Variants in ITGB6 observed in about 807,000 individuals in gnomAD.
The protein encoded by ITGB6 is integrin beta-6.
In ITGB6, 80 loss-of-function variants were observed where a neutral mutation model predicts 84.5. The ratio of observed to expected loss-of-function variants is 0.95; its 90% CI spans 0.79 to 1.14. The LOEUF is 1.14. ITGB6 is among the 50% of genes most tolerant of loss of function. The probability of loss-of-function intolerance (pLI) is 0.00; values close to 1 mark genes in which losing one functional copy is unlikely to be tolerated. For synonymous variants in ITGB6, 383 were observed against 354.9 expected (o/e 1.08, Z -0.89); for missense variants, 1,006 against 968.0 (o/e 1.04, Z -0.52).
chr2:160,152,115 G>A (rs557751423), intron 7 of ITGB6, among the ~76,000 whole-genome samples: 1 of 152,298 alleles, frequency 6.6e-6, no homozygotes, highest in Non-Finnish European at 1.5e-5. Context: ...ACATCATCCT[G>A]ATAGCAAAGG....
intron 7 of ITGB6, among the ~76,000 whole-genome samples, chr2:160,145,337 G>C (rs1336305102): frequency 6.6e-6 from 1 of 152,080 alleles, no homozygotes; most frequent in East Asian, 1.9e-4. Flanking sequence ...GATTTTCCCT[G>C]TCCTCCCTAC....
chr2:160,104,575 T>C (rs1212924208), intron 14 of ITGB6, among the ~76,000 whole-genome samples: 2 of 152,200 alleles, frequency 1.3e-5, no homozygotes, highest in African/African-American at 4.8e-5. Flanking sequence ...AAAGTGGTAA[T>C]AGGAAAACTC....
intron 1 of ITGB6, among the ~76,000 whole-genome samples, chr2:160,199,552 C>A (rs916364784): frequency 4.6e-5 from 7 of 152,084 alleles, no homozygotes; most frequent in Non-Finnish European, 7.4e-5. Flanking sequence ...ATTTATTATT[C>A]TTAGCCAATG....
At chr2:160,179,943 CAAA>C (rs60463723) in intron 4 of ITGB6, among the ~76,000 whole-genome samples, 1,767 of 102,946 alleles carry the variant, frequency 0.017, 22 homozygotes, top group East Asian at 0.061. Flanking sequence ...ACTAAAAATA[CAAA>C]AAAAAAAAAA....
intron 8 of ITGB6, among the ~76,000 whole-genome samples, chr2:160,140,111 G>A (rs1411036348): frequency 2.0e-5 from 3 of 152,072 alleles, no homozygotes; most frequent in Non-Finnish European, 4.4e-5. Flanking sequence ...TTCAGTCTAT[G>A]TGTTCCCATA....
intron 14 of ITGB6, among the ~76,000 whole-genome samples, chr2:160,104,316 G>A (rs780540408): frequency 2.6e-5 from 4 of 152,184 alleles, no homozygotes; most frequent in Non-Finnish European, 5.9e-5. Context: ...TGTTCCAGGA[G>A]GAGGTGTGGA....
chr2:160,196,279 G>T lies in ITGB6; in HGVS notation c.283C>A (p.Gln95Lys). The part of the protein sequence containing the change: ...LKNKPLSVGR[Q>K]KNSSDIVQIA... ...TGAACAATGTCAGAACTATTTTTCTGTCTGCCTACACTGAGAGGCTTATTT... is the reference window on the plus strand; with the variant it reads ...TGAACAATGTCAGAACTATTTTTCTTTCTGCCTACACTGAGAGGCTTATTT... The change falls in exon 3 of 15, where the codon CAG becomes AAG. Residue 95 changes from glutamine to lysine, a missense_variant. By Grantham distance (53) the Gln-to-Lys change is moderately conservative. Coordinates refer to ENST00000283249, the MANE Select transcript of ITGB6 (RefSeq NM_000888.5). 1 of 1,614,054 alleles carries T rather than the reference G, an allele frequency of 6.2e-7. No individual in the cohort carries two copies. The highest frequency in any genetic ancestry group is 1.3e-5 in the African/African-American group (1 of 75,028).
chr2:160,144,185 G>A (rs1290545407), intron 7 of ITGB6, among the ~76,000 whole-genome samples: 1 of 152,140 alleles, frequency 6.6e-6, no homozygotes, highest in Non-Finnish European at 1.5e-5. Flanking sequence ...TTACAGGTGT[G>A]AGCCACTGAG....
intron 7 of ITGB6, among the ~76,000 whole-genome samples, chr2:160,146,843 G>A (rs1179234087): frequency 6.6e-6 from 1 of 152,166 alleles, no homozygotes; most frequent in South Asian, 2.1e-4. Context: ...GCTCATGCCT[G>A]TAATCCCAAC....
intron 6 of ITGB6, among the ~76,000 whole-genome samples, chr2:160,172,274 T>C (rs895998610): frequency 1.3e-5 from 2 of 152,152 alleles, no homozygotes; most frequent in African/African-American, 2.4e-5. Flanking sequence ...TGGCTGAGAA[T>C]AGAATGAGCT....
At chr2:160,198,461 A>G (rs1686429015) in intron 2 of ITGB6, among the ~76,000 whole-genome samples, 1 of 152,228 alleles carries the variant, frequency 6.6e-6, no homozygotes, top group Non-Finnish European at 1.5e-5. Flanking sequence ...TATGAGATCC[A>G]GTGCATAGAG....
chr2:160,132,904 C>G (rs958237829), intron 10 of ITGB6, among the ~76,000 whole-genome samples: 1 of 152,026 alleles, frequency 6.6e-6, no homozygotes, highest in Non-Finnish European at 1.5e-5. Flanking sequence ...TAGGCTTTTT[C>G]ACACATGCAG....
chr2:160,178,743 A>G (rs1299781210), intron 4 of ITGB6, among the ~76,000 whole-genome samples: 2 of 140,022 alleles, frequency 1.4e-5, no homozygotes, highest in Non-Finnish European at 3.0e-5. Context: ...CCAGGCTGGA[A>G]TGCGGTTGTG....
rs555047927 is a variant in ITGB6 at position 160,101,456 on chromosome 2, C to T, written c.*280G>A. The T allele has an allele frequency of 6.5e-5, 21 of 322,618 alleles. No individual in the cohort carries two copies. The highest frequency in any genetic ancestry group is 4.7e-4 in the African/African-American group (21 of 45,062). 20.0% of individuals were successfully genotyped at this position (322,618 alleles called of 1,614,324 possible). On this transcript the variant is annotated 3_prime_UTR_variant, in exon 15 of 15. Coordinates refer to ENST00000283249, the MANE Select transcript of ITGB6 (RefSeq NM_000888.5). ...AAACATTTTTCAAATGCAAATCAGG[C>T]CCCCATGAATCATTTGATGATTTTT...
intron 12 of ITGB6, among the ~76,000 whole-genome samples, chr2:160,117,891 A>G (rs543443766): frequency 1.3e-5 from 2 of 152,240 alleles, no homozygotes; most frequent in Admixed American, 6.5e-5. Flanking sequence ...AAACACCTCT[A>G]TGCAAATAAA....
chr2:160,119,913 A>G (rs1201627530), intron 12 of ITGB6, among the ~76,000 whole-genome samples: 1 of 152,208 alleles, frequency 6.6e-6, no homozygotes, highest in Non-Finnish European at 1.5e-5. Flanking sequence ...GACACATGAA[A>G]AAATGCTCAT....
At chr2:160,107,614 C>T in intron 14 of ITGB6, 65 bp downstream of exon 14, 2 of 1,422,652 alleles carry the variant, frequency 1.4e-6, no homozygotes, top group Non-Finnish European at 2.0e-6. Flanking sequence ...AAAGCTGAGC[C>T]CCTCAATCTC....
At chr2:160,142,867 TA>T (rs1452508463) in intron 7 of ITGB6, among the ~76,000 whole-genome samples, 1 of 152,388 alleles carries the variant, frequency 6.6e-6, no homozygotes, top group East Asian at 1.9e-4. Context: ...TTTTATGTTT[TA>T]AATTTTGTTG....
chr2:160,140,757 AC>A lies in ITGB6; in HGVS notation c.1107+1224del, dbSNP rs1163420540. 2.0e-5 allele frequency among the ~76,000 whole-genome samples: 3 copies of A among 152,334 alleles called. No individual in the cohort carries two copies. The East Asian group carries it at 5.8e-4, about 29-fold the overall frequency. On this transcript the variant is annotated intron_variant, in intron 8 of 14. Coordinates refer to ENST00000283249, the MANE Select transcript of ITGB6 (RefSeq NM_000888.5). The stretch of plus-strand genomic sequence containing the variant: ...CTATCAGTAAAACAAACAAAACAAA[AC>A]AAAACCATCATCTTATAATTTTAAT...
Sources: allele counts gnomAD v4.1 joint callset (sites outside exome capture counted in the v4.1 genomes callset), GRCh38; gene constraint gnomAD v4.1.1; transcripts MANE v1.5; gene names NCBI Gene and HGNC (gene_info 2026-07-23, HGNC 2026-07-21).